The following UBQLN4 variants were observed in gnomAD, a reference collection of about 807,000 sequenced individuals.
UBQLN4 encodes the protein ubiquilin 4.
In UBQLN4, 11 loss-of-function variants were observed where a neutral mutation model predicts 60.4. The ratio of observed to expected loss-of-function variants is 0.18; its 90% confidence interval spans 0.11 to 0.30. The LOEUF is 0.30. Among genes scored for constraint, UBQLN4 ranks in the 10% least tolerant of loss-of-function variants. The pLI, the probability that UBQLN4 is intolerant of heterozygous loss-of-function variation, is 1.00. For synonymous variants in UBQLN4, 258 were observed against 313.1 expected, an observed-to-expected ratio of 0.82 and a Z score of 1.86; for missense variants, 417 against 795.5, an observed-to-expected ratio of 0.52 and a Z score of 5.72.
intron 4 of UBQLN4, among the ~76,000 whole-genome samples, chr1:156,049,405 ACAATCT>A (rs1308521783): frequency 6.6e-6 from 1 of 152,212 alleles, no homozygotes; most frequent in Non-Finnish European, 1.5e-5. Flanking sequence ...AGCCAATGGC[ACAATCT>A]CAATAAGGGG....
intron 10 of UBQLN4, among the ~76,000 whole-genome samples, chr1:156,040,230 C>T (rs1446546371): frequency 1.3e-5 from 2 of 151,486 alleles, no homozygotes; most frequent in Non-Finnish European, 2.9e-5. Flanking sequence ...CCCATCTCTA[C>T]TAACAATACA....
At position 156,050,618 on chromosome 1, in the gene UBQLN4, T is replaced by A. The variant is rs1168420264; in HGVS notation, c.479-65A>T. The A allele has an allele frequency of 6.6e-7, 1 of 1,518,762 alleles. No individual in the cohort carries two copies. The highest frequency in any genetic ancestry group is 8.8e-7 in the Non-Finnish European group (1 of 1,131,814). 94.1% of individuals were successfully genotyped at this position (1,518,762 alleles called of 1,614,324 possible). On this transcript the variant is annotated intron_variant, in intron 3 of 10. Transcript: ENST00000368309. This position sits in a 1 kb window ranked among gnomAD's most constrained non-coding sequence, Gnocchi z 4.6. The stretch of plus-strand genomic sequence containing the variant: ...AGTGTCCTCACTTAGCCAGAGCCAC[T>A]GAATTCAGATCTCCAGGACACGCCC...
At chr1:156,052,398 C>T (rs544289797) in intron 1 of UBQLN4, among the ~76,000 whole-genome samples, 4 of 152,224 alleles carry the variant, frequency 2.6e-5, no homozygotes, top group Non-Finnish European at 4.4e-5. Flanking sequence ...GCGATCTTGG[C>T]TCACTGTAAC....
At chr1:156,052,891 A>G (rs1156681250) in intron 1 of UBQLN4, among the ~76,000 whole-genome samples, 6 of 152,194 alleles carry the variant, frequency 3.9e-5, no homozygotes, top group Non-Finnish European at 1.5e-5. Context: ...ACAACACAAA[A>G]CAAAACACAA....
chr1:156,041,456 C>T (rs1262617311), intron 10 of UBQLN4, 29 bp downstream of exon 10: 1 of 1,512,458 alleles, frequency 6.6e-7, no homozygotes, highest in Non-Finnish European at 8.9e-7. Flanking sequence ...AGTGGTGCTC[C>T]CAGCACCTGC....
chr1:156,052,932 T>TTAA (rs1417257035), intron 1 of UBQLN4, among the ~76,000 whole-genome samples: 1 of 152,176 alleles, frequency 6.6e-6, no homozygotes, highest in East Asian at 1.9e-4. Context: ...AGTGCACTTG[T>TTAA]TAAGCAGAGG....
chr1:156,037,080 G>A lies in UBQLN4; in HGVS notation c.1704C>T (p.Ser568=). The change falls in exon 11 of 11, where the codon TCC becomes TCT. Residue 568 remains serine (S), a synonymous_variant. Transcript: ENST00000368309. ...RFQQQLEQLN[S]MGFINREANL... is the part of the protein sequence containing the mutation. ...TAGCCTCACGATTGATGAAGCCCAT[G>A]GAGTTGAGCTGCTCCAGCTGCTGCT... is the stretch of plus-strand genomic sequence containing the variant. The A allele has an allele frequency of 6.2e-7, 1 of 1,614,218 alleles. No individual in the cohort carries two copies. The highest frequency in any genetic ancestry group is 8.5e-7 in the Non-Finnish European group (1 of 1,180,022).
intron 5 of UBQLN4, among the ~76,000 whole-genome samples, chr1:156,047,950 G>T (rs574312319): frequency 3.4e-4 from 51 of 151,006 alleles, no homozygotes; most frequent in Admixed American, 1.4e-3. Flanking sequence ...AATTATATAT[G>T]GCAACATGTT....
rs542860595 is a variant in UBQLN4 at position 156,044,598 on chromosome 1, C to T, written c.901-375G>A. On this transcript the variant is annotated intron_variant, in intron 5 of 10. Transcript: ENST00000368309. ...GTACCTCAAGGGGCAGAGGCAATGT[C>T]AGATTTGCCTGTGCACCCCCAGCCC... Among the ~76,000 whole-genome samples the T allele has an allele frequency of 2.0e-5, 3 of 152,222 alleles. No individual in the cohort carries two copies. The East Asian group carries it at 5.8e-4, about 29-fold the overall frequency.
At position 156,036,533 on chromosome 1, in the gene UBQLN4, G is replaced by A; in HGVS notation, c.*445C>T. On this transcript the variant is annotated 3_prime_UTR_variant, in exon 11 of 11. Coordinates refer to ENST00000368309, the MANE Select transcript of UBQLN4 (RefSeq NM_020131.5). Reference sequence around the variant, plus strand: ...AAATTCTAGCATTGGTTGGGCTAGGGGTTGGGGGGTAGGGAGAAAAAGAAG... The same window carrying A: ...AAATTCTAGCATTGGTTGGGCTAGGAGTTGGGGGGTAGGGAGAAAAAGAAG... The A allele has an allele frequency of 3.0e-6, 3 of 987,776 alleles. No individual in the cohort carries two copies. The highest frequency in any genetic ancestry group is 3.6e-6 in the Non-Finnish European group (3 of 831,304). The allele number at this position is 987,776 out of a possible 1,614,324, so 61.2% of individuals were successfully genotyped here. A position where few individuals can be genotyped will look rare whatever the true frequency, so the allele number is the denominator to read the frequency against.
Position 156,036,922 on chromosome 1 carries a change from A to T in UBQLN4, c.*56T>A, listed in dbSNP as rs1277360212. The T allele has an allele frequency of 6.3e-7, 1 of 1,588,622 alleles. No homozygotes were observed. The highest frequency in any genetic ancestry group is 8.6e-7 in the Non-Finnish European group (1 of 1,168,094). ...AGCTGCAGAGGGTAAGGATTGACAG[A>T]AGAACCGAATGCTGACATCGAGGGA... On this transcript the variant is annotated 3_prime_UTR_variant, in exon 11 of 11. Coordinates refer to ENST00000368309, the MANE Select transcript of UBQLN4 (RefSeq NM_020131.5).
In UBQLN4 at chr1:156,050,511, C is replaced by A; in HGVS notation, c.521G>T (p.Gly174Val). 6.2e-7 allele frequency: 1 copy of A among 1,613,726 alleles called. No individual in the cohort carries two copies. The highest frequency in any genetic ancestry group is 8.5e-7 in the Non-Finnish European group (1 of 1,179,914). The change falls in exon 4 of 11, where the codon GGC becomes GTC. Residue 174 changes from glycine to valine, a missense_variant. By Grantham distance (109) the Gly-to-Val change is moderately radical (BLOSUM62 -3). Coordinates refer to ENST00000368309, the MANE Select transcript of UBQLN4 (RefSeq NM_020131.5). The surrounding 1 kb of genome is among the most constrained non-coding windows in gnomAD (Gnocchi z 4.6). ...GILGLGSLGL[G>V]SANFMELQQQ... ...CTGCAGCTCCATGAAGTTGGCAGAG[C>A]CCAGGCCTAGGCTGCCCAGCCCCAG...
intron 1 of UBQLN4, among the ~76,000 whole-genome samples, chr1:156,052,197 A>G (rs556849069): frequency 2.0e-5 from 3 of 152,300 alleles, no homozygotes; most frequent in Admixed American, 6.5e-5. Flanking sequence ...TTGGACCTTC[A>G]GCCTTCTGAG....
At chr1:156,039,681 T>A (rs1175854883) in intron 10 of UBQLN4, among the ~76,000 whole-genome samples, 1 of 151,928 alleles carries the variant, frequency 6.6e-6, no homozygotes, top group Non-Finnish European at 1.5e-5. Context: ...CTGACGCCAG[T>A]AATCCCAGCA....
chr1:156,047,790 G>A (rs1399447808), intron 5 of UBQLN4, among the ~76,000 whole-genome samples: 1 of 150,068 alleles, frequency 6.7e-6, no homozygotes, highest in African/African-American at 2.4e-5. Flanking sequence ...AGCCACCAGG[G>A]AGAAGGCAGG....
intron 9 of UBQLN4, 60 bp downstream of exon 9, chr1:156,041,812 G>A: frequency 3.3e-6 from 5 of 1,521,332 alleles, no homozygotes; most frequent in South Asian, 1.2e-5. Flanking sequence ...GTGGCAGAGA[G>A]AAGAGTTGAA....
chr1:156,048,535 A>G lies in UBQLN4; in HGVS notation c.866T>C (p.Ile289Thr). The G allele has an allele frequency of 6.2e-7, 1 of 1,612,726 alleles. No individual in the cohort carries two copies. The highest frequency in any genetic ancestry group is 8.5e-7 in the Non-Finnish European group (1 of 1,178,922). Residue 289 changes from isoleucine (I) to threonine (T), a missense_variant, in exon 5 of 11, where the codon ATC (isoleucine) becomes ACC (threonine). Transcript: ENST00000368309. The surrounding 1 kb of genome is among the most constrained non-coding windows in gnomAD (Gnocchi z 4.9). ...GGCAGCACTGAACATGGGCTCCTGG[A>G]TGTCCGTGTACATGCGGCGGAGGGC... Reference protein sequence around the residue: ...YNALRRMYTDIQEPMFSAARE... With the variant: ...YNALRRMYTDTQEPMFSAARE...
At chr1:156,052,550 G>C (rs533270994) in intron 1 of UBQLN4, among the ~76,000 whole-genome samples, 4 of 152,152 alleles carry the variant, frequency 2.6e-5, no homozygotes, top group Non-Finnish European at 5.9e-5. Context: ...TCTTGAACTC[G>C]TGACCTCAGG....
rs375086934 is a variant in UBQLN4 at position 156,041,470 on chromosome 1, C to G, written c.1653+15G>C. 3 of 1,550,588 alleles carry G rather than the reference C, an allele frequency of 1.9e-6. No individual in the cohort carries two copies. On this transcript the variant is annotated intron_variant, in intron 10 of 10. Transcript: ENST00000368309. ...AAGTGGTGCTCCCAGCACCTGCCCC[C>G]ACTGCCTCATGTACCTGTGAGTTTC... is the stretch of plus-strand genomic sequence containing the variant.
Sources: gnomAD v4.1 joint callset for allele counts (sites outside exome capture counted in the v4.1 genomes callset) on GRCh38, gnomAD v4.1.1 for gene constraint, Gnocchi (gnomAD v3.1) non-coding constraint, MANE v1.5 for transcripts, NCBI Gene and HGNC (gene_info 2026-07-23, HGNC 2026-07-21) for gene names.